The following CNTN1 variants were observed in gnomAD, a reference collection of about 807,000 sequenced individuals.
CNTN1 encodes contactin 1, also known as contactin-1.
A neutral mutation model predicts 126.4 loss-of-function variants in CNTN1; 38 were observed. That is an observed-to-expected ratio of 0.30 (90% CI 0.23 to 0.39). The LOEUF (loss-of-function observed/expected upper bound fraction) is 0.39. Ranked by LOEUF, CNTN1 falls within the 10% of genes least tolerant of loss-of-function variation. The pLI is 1.00. For missense variants in CNTN1, 1,009 were observed against 1,248.4 expected, an observed-to-expected ratio of 0.81 and a Z score of 2.89; for synonymous variants, 413 against 422.6, an observed-to-expected ratio of 0.98 and a Z score of 0.28.
intron 1 of CNTN1, among the ~76,000 whole-genome samples, chr12:40,846,543 T>C (rs56928815): frequency 0.15 from 23,331 of 152,162 alleles, 1,786 homozygotes; most frequent in Middle Eastern, 0.21. Flanking sequence ...TCACTCCACA[T>C]AGCAGTAGAA....
At chr12:40,910,424 A>G (rs561196438) in intron 3 of CNTN1, among the ~76,000 whole-genome samples, 1 of 152,308 alleles carries the variant, frequency 6.6e-6, no homozygotes, top group East Asian at 1.9e-4. Context: ...GTAAGCCTTG[A>G]ACTTATTTTT....
intron 3 of CNTN1, among the ~76,000 whole-genome samples, chr12:40,918,295 T>C (rs142802468): frequency 3.1e-4 from 47 of 152,210 alleles, no homozygotes; most frequent in African/African-American, 1.1e-3. Flanking sequence ...CAAAGGATCA[T>C]GCAAATTTTG....
chr12:40,943,539 A>G (rs1332240696), intron 12 of CNTN1, 58 bp from the exon 13 acceptor site: 2 of 1,282,240 alleles, frequency 1.6e-6, no homozygotes, highest in Non-Finnish European at 2.3e-6. Context: ...AATCTAAGAC[A>G]TAATAATGTA....
chr12:40,859,107 C>T (rs1415067282), intron 1 of CNTN1, among the ~76,000 whole-genome samples: 1 of 151,788 alleles, frequency 6.6e-6, no homozygotes. Flanking sequence ...CAGACCTGCA[C>T]GTCCTACACA....
At chr12:41,060,651 A>G (rs1949920932) in intron 23 of CNTN1, among the ~76,000 whole-genome samples, 1 of 152,220 alleles carries the variant, frequency 6.6e-6, no homozygotes, top group African/African-American at 2.4e-5. Context: ...TCCAAAGCCA[A>G]GTGCACAGAT....
At chr12:41,061,222 C>G (rs945154136) in intron 23 of CNTN1, among the ~76,000 whole-genome samples, 6 of 152,182 alleles carry the variant, frequency 3.9e-5, no homozygotes, top group Non-Finnish European at 7.3e-5. Flanking sequence ...TGAGCATGTG[C>G]TTATTGGCCA....
chr12:40,828,478 G>A (rs1026208966), intron 1 of CNTN1, among the ~76,000 whole-genome samples: 3 of 152,110 alleles, frequency 2.0e-5, no homozygotes, highest in African/African-American at 7.2e-5. Flanking sequence ...GATAGTATTG[G>A]ACCATAGGGT....
At chr12:40,904,334 C>T (rs1944728954) in intron 1 of CNTN1, among the ~76,000 whole-genome samples, 1 of 146,308 alleles carries the variant, frequency 6.8e-6, no homozygotes, top group Non-Finnish European at 1.5e-5. Context: ...CTTTTTCCTT[C>T]TCCTTCTTCT....
intron 1 of CNTN1, among the ~76,000 whole-genome samples, chr12:40,849,777 C>T (rs1004977612): frequency 1.4e-4 from 22 of 151,914 alleles, no homozygotes. Flanking sequence ...TCTCAGCATG[C>T]CATATGCAGC....
At chr12:40,933,076 G>A (rs1451448612) in intron 7 of CNTN1, among the ~76,000 whole-genome samples, 1 of 151,066 alleles carries the variant, frequency 6.6e-6, no homozygotes, top group African/African-American at 2.4e-5. Flanking sequence ...TTCTTGCCTT[G>A]CGTCTTTCTT....
At chr12:40,983,942 A>C (rs1029834212) in intron 16 of CNTN1, among the ~76,000 whole-genome samples, 10 of 145,882 alleles carry the variant, frequency 6.9e-5, no homozygotes, top group Admixed American at 4.8e-4. Context: ...ATGCTATGTC[A>C]TATATAGTAA....
chr12:40,827,727 G>T (rs1388354006), intron 1 of CNTN1, among the ~76,000 whole-genome samples: 1 of 151,892 alleles, frequency 6.6e-6, no homozygotes, highest in Non-Finnish European at 1.5e-5. Flanking sequence ...AGGGTTGGAG[G>T]CTTCTGCCTA....
chr12:41,056,304 A>T (rs1949800391), intron 23 of CNTN1, among the ~76,000 whole-genome samples: 1 of 152,122 alleles, frequency 6.6e-6, no homozygotes, highest in Non-Finnish European at 1.5e-5. Context: ...AAGTCACTGA[A>T]ATTCAGAGAG....
intron 1 of CNTN1, among the ~76,000 whole-genome samples, chr12:40,878,055 T>C (rs981758155): frequency 1.4e-5 from 2 of 138,190 alleles, no homozygotes; most frequent in African/African-American, 5.2e-5. Flanking sequence ...TGGAGTGCAA[T>C]GGCACGATCT....
Position 40,968,999 on chromosome 12 carries a change from C to T in CNTN1, c.1804+9765C>T, listed in dbSNP as rs1239291663. Among the ~76,000 whole-genome samples the T allele has an allele frequency of 5.3e-5, 8 of 152,206 alleles. No individual in the cohort carries two copies. In the South Asian group the frequency reaches 1.2e-3, roughly 24 times the overall value. On this transcript the variant is annotated intron_variant, in intron 15 of 23. Coordinates refer to ENST00000551295, the MANE Select transcript of CNTN1 (RefSeq NM_001843.4). ...TAGAGAGTAGAGTAACATTTTAGCT[C>T]GTTTAAAATTAGAATTTCATTAATA...
chr12:41,003,407 C>A (rs1025719914), intron 17 of CNTN1, among the ~76,000 whole-genome samples: 8 of 151,746 alleles, frequency 5.3e-5, no homozygotes, highest in Admixed American at 2.0e-4. Flanking sequence ...CTGAAGGTTT[C>A]TTTTTTGTTG....
intron 23 of CNTN1, among the ~76,000 whole-genome samples, chr12:41,065,632 G>C (rs1429163175): frequency 6.6e-6 from 1 of 152,192 alleles, no homozygotes; most frequent in Non-Finnish European, 1.5e-5. Context: ...AATAGGAGAA[G>C]CAGGAATTAA....
At chr12:40,750,830 C>G (rs1170122397) in intron 1 of CNTN1, among the ~76,000 whole-genome samples, 1 of 151,976 alleles carries the variant, frequency 6.6e-6, no homozygotes, top group Non-Finnish European at 1.5e-5. Flanking sequence ...GAGAGGATAT[C>G]TAATCCTTTT....
At chr12:40,705,814 C>G (rs1941723742) in intron 1 of CNTN1, among the ~76,000 whole-genome samples, 2 of 152,108 alleles carry the variant, frequency 1.3e-5, no homozygotes, top group Admixed American at 6.5e-5. Context: ...CAGGTAGCTT[C>G]TAATCATGGT....
Sources: gnomAD v4.1 joint callset for allele counts (sites outside exome capture counted in the v4.1 genomes callset) on GRCh38, gnomAD v4.1.1 for gene constraint, MANE v1.5 for transcripts, NCBI Gene and HGNC (gene_info 2026-07-23, HGNC 2026-07-21) for gene names.